Variants in AP3B1 observed in about 807,000 individuals in gnomAD.
AP3B1 encodes AP-3 complex subunit beta-1.
In AP3B1, 61 loss-of-function variants were observed where a neutral mutation model predicts 132.5. The ratio of observed to expected loss-of-function variants is 0.46; its 90% CI spans 0.37 to 0.57. AP3B1 has a LOEUF of 0.57. Among genes scored for constraint, AP3B1 ranks in the 20% least tolerant of loss-of-function variants. AP3B1 has a pLI of 0.00. For synonymous variants in AP3B1, 388 were observed against 438.3 expected (o/e 0.89, Z 1.43); for missense variants, 1,120 against 1,289.4 (o/e 0.87, Z 2.01).
chr5:78,225,761 G>C (rs1471019465), intron 5 of AP3B1, among the ~76,000 whole-genome samples, 153 bp from the exon 6 acceptor site: 5 of 151,932 alleles, frequency 3.3e-5, no homozygotes, highest in African/African-American at 1.2e-4. Context: ...AAATGGGATG[G>C]TTTTTCTCAT....
chr5:78,278,838 C>T (rs1454120679), intron 1 of AP3B1, among the ~76,000 whole-genome samples: 1 of 151,906 alleles, frequency 6.6e-6, no homozygotes, highest in Non-Finnish European at 1.5e-5. Flanking sequence ...GAGTGCAAAC[C>T]CTCTTGTAAA....
intron 14 of AP3B1, among the ~76,000 whole-genome samples, chr5:78,144,838 GT>G (rs1753314539): frequency 6.7e-6 from 1 of 150,096 alleles, no homozygotes; most frequent in African/African-American, 2.4e-5. Context: ...TTTTGTTGTT[GT>G]TGTTGTTTTT....
At position 78,133,280 on chromosome 5, in the gene AP3B1, T is replaced by C. The variant is rs528950303; in HGVS notation, c.1651-3973A>G. Among the ~76,000 whole-genome samples the C allele has an allele frequency of 3.3e-5, 5 of 152,322 alleles. No individual in the cohort carries two copies. The South Asian group carries it at 1.0e-3, about 32-fold the overall frequency. On this transcript the variant is annotated intron_variant, in intron 15 of 26. Transcript: ENST00000255194. ...TATCAGCACAAATCCTGCCTGCTGTTCTAAAAGGAAGAAGTTAGTTATGTT... is the reference window on the plus strand; with the variant it reads ...TATCAGCACAAATCCTGCCTGCTGTCCTAAAAGGAAGAAGTTAGTTATGTT...
At chr5:78,234,014 A>G (rs988257666) in intron 3 of AP3B1, among the ~76,000 whole-genome samples, 7 of 152,130 alleles carry the variant, frequency 4.6e-5, no homozygotes, top group African/African-American at 1.7e-4. Flanking sequence ...AATGCTTTAA[A>G]TCACTGTTTT....
chr5:78,114,633 T>C (rs1751743422), intron 18 of AP3B1, among the ~76,000 whole-genome samples: 1 of 152,210 alleles, frequency 6.6e-6, no homozygotes, highest in Admixed American at 6.5e-5. Flanking sequence ...CTATTTAAAA[T>C]GACTATAACT....
In AP3B1 at chr5:78,165,530, A is replaced by G. The variant is rs1743576964; in HGVS notation, c.1230+80T>C. The G allele has an allele frequency of 2.0e-5, 20 of 977,156 alleles. No individual in the cohort carries two copies. In the South Asian group the frequency reaches 2.7e-4, roughly 13 times the overall value. The allele number at this position is 977,156 out of a possible 1,614,324, so 60.5% of individuals were successfully genotyped here. ...CACTATTTTATGTACATAATTACAT[A>G]TTTCTAGATAGAAAAAGATGCATAT... On this transcript the variant is annotated intron_variant, in intron 12 of 26. Coordinates refer to ENST00000255194, the MANE Select transcript of AP3B1 (RefSeq NM_003664.5).
intron 24 of AP3B1, among the ~76,000 whole-genome samples, chr5:78,033,651 A>C: frequency 6.6e-6 from 1 of 152,006 alleles, no homozygotes; most frequent in East Asian, 1.9e-4. Context: ...TTATATCAGA[A>C]AAAGAAAAGA....
At chr5:78,008,902 C>G (rs1056325421) in intron 26 of AP3B1, among the ~76,000 whole-genome samples, 2 of 152,032 alleles carry the variant, frequency 1.3e-5, no homozygotes, top group African/African-American at 2.4e-5. Flanking sequence ...AACAGTAACT[C>G]AAAAGTTAAT....
At chr5:78,220,657 T>C (rs1344213642) in intron 6 of AP3B1, among the ~76,000 whole-genome samples, 1 of 147,688 alleles carries the variant, frequency 6.8e-6, no homozygotes, top group Non-Finnish European at 1.5e-5. Context: ...TTCAATGAGG[T>C]AGTGTAGAAA....
intron 3 of AP3B1, among the ~76,000 whole-genome samples, chr5:78,235,496 G>C (rs1299237209): frequency 6.6e-6 from 1 of 152,178 alleles, no homozygotes; most frequent in Non-Finnish European, 1.5e-5. Flanking sequence ...AATCACAGAA[G>C]GTTGCGAAAC....
chr5:78,252,528 A>G (rs1303800014), intron 2 of AP3B1, among the ~76,000 whole-genome samples: 1 of 152,192 alleles, frequency 6.6e-6, no homozygotes, highest in African/African-American at 2.4e-5. Flanking sequence ...ATAGCTTTTC[A>G]TGAATGCTGA....
Position 78,014,207 on chromosome 5 carries a change from TA to T in AP3B1, c.3131+1202del, listed in dbSNP as rs11427263. Among the ~76,000 whole-genome samples the T allele has an allele frequency of 2.9e-3, 398 of 139,620 alleles. 3 individuals are homozygous for T. Among genetic ancestry groups the T allele is most frequent in the African/African-American group, 5.7e-3 (219 of 38,552 alleles). The allele number at this position is 139,620 out of a possible 152,430, so 91.6% of individuals were successfully genotyped here. On this transcript the variant is annotated intron_variant, in intron 26 of 26. Transcript: ENST00000255194. ...AAAGCATGAGACCTCTTGAGCAACT[TA>T]AAAAAAAAAAAAACAGTACAAGGTA...
intron 1 of AP3B1, among the ~76,000 whole-genome samples, chr5:78,288,517 G>A (rs1749378047): frequency 6.6e-6 from 1 of 152,150 alleles, no homozygotes. Flanking sequence ...AAAGACCCAA[G>A]TGAACTACAC....
At chr5:78,037,890 AAAAG>A (rs144010601) in intron 23 of AP3B1, among the ~76,000 whole-genome samples, 1,772 of 152,358 alleles carry the variant, frequency 0.012, 44 homozygotes, top group African/African-American at 0.041. Flanking sequence ...ACAAAAACCA[AAAAG>A]AAAGAGATAG....
chr5:78,263,408 T>A (rs976436597), intron 2 of AP3B1, among the ~76,000 whole-genome samples: 4 of 152,252 alleles, frequency 2.6e-5, no homozygotes, highest in Admixed American at 1.3e-4. Flanking sequence ...TTTTGTGGAA[T>A]CTTTAGGGTT....
chr5:78,203,522 T>C (rs766311847), intron 7 of AP3B1, among the ~76,000 whole-genome samples: 53 of 152,222 alleles, frequency 3.5e-4, no homozygotes, highest in Non-Finnish European at 6.0e-4. Flanking sequence ...CAAGGTGAGA[T>C]ATGGGGGGGA....
intron 18 of AP3B1, 53 bp downstream of exon 18, chr5:78,116,073 T>G: frequency 7.6e-7 from 1 of 1,313,070 alleles, no homozygotes; most frequent in Non-Finnish European, 1.1e-6. Context: ...TTCTGAGATA[T>G]AGAATGTAAT....
intron 11 of AP3B1, among the ~76,000 whole-genome samples, chr5:78,170,771 C>T (rs926621566): frequency 6.6e-6 from 1 of 152,066 alleles, no homozygotes; most frequent in African/African-American, 2.4e-5. Flanking sequence ...CTTTTGTTAC[C>T]ATTGCTTTTG....
chr5:78,139,766 T>C (rs987938096), intron 15 of AP3B1, among the ~76,000 whole-genome samples: 3 of 151,914 alleles, frequency 2.0e-5, no homozygotes, highest in African/African-American at 2.4e-5. Context: ...GAGACACATA[T>C]AGAGAGATAC....
Sources: allele counts gnomAD v4.1 joint callset (sites outside exome capture counted in the v4.1 genomes callset), GRCh38; gene constraint gnomAD v4.1.1; transcripts MANE v1.5; gene names NCBI Gene and HGNC (gene_info 2026-07-23, HGNC 2026-07-21).